The following CDKL4 variants were observed in gnomAD, a reference collection of about 807,000 sequenced individuals.
CDKL4 encodes the protein cyclin dependent kinase like 4, also known as cyclin-dependent kinase-like 4.
A neutral mutation model predicts 42.0 loss-of-function variants in CDKL4; 44 were observed. That is an observed-to-expected ratio of 1.05 (90% CI 0.82 to 1.35). The LOEUF is 1.35. Among genes scored for constraint, CDKL4 ranks in the 40% most tolerant of loss-of-function variants. The pLI, the probability that CDKL4 is intolerant of heterozygous loss-of-function variation, is 0.00. For missense variants in CDKL4, 393 were observed against 369.9 expected, an observed-to-expected ratio of 1.06 and a Z score of -0.51; for synonymous variants, 120 against 121.6, an observed-to-expected ratio of 0.99 and a Z score of 0.09.
At chr2:39,220,628 C>A (rs1268874039) in intron 3 of CDKL4, among the ~76,000 whole-genome samples, 1 of 151,852 alleles carries the variant, frequency 6.6e-6, no homozygotes, top group East Asian at 1.9e-4. Flanking sequence ...CGCTCTGTCG[C>A]CCAGGCTGGA....
At chr2:39,186,389 C>T (rs1016168393) in intron 7 of CDKL4, among the ~76,000 whole-genome samples, 5 of 152,166 alleles carry the variant, frequency 3.3e-5, no homozygotes, top group Non-Finnish European at 5.9e-5. Flanking sequence ...CCCATCCCTG[C>T]GTGGCTCTGA....
chr2:39,176,318 C>G (rs921968077), intron 9 of CDKL4, among the ~76,000 whole-genome samples: 1 of 152,202 alleles, frequency 6.6e-6, no homozygotes, highest in African/African-American at 2.4e-5. Flanking sequence ...GGATATACTA[C>G]TATTTATTTC....
chr2:39,192,117 T>A (rs13005378), intron 5 of CDKL4, among the ~76,000 whole-genome samples: 135,127 of 152,272 alleles, frequency 0.89, 60,243 homozygotes, highest in Non-Finnish European at 0.94. Flanking sequence ...AATTTGGAAA[T>A]TGGAGAATGA....
rs146243390 is a variant in CDKL4, at chr2:39,216,989, G to T, written c.291-3517C>A. ...CAGGGGCAAAACAACACCACTGATC[G>T]TGCAAAGAGAAGATAGCCATCAAAG... On this transcript the variant is annotated intron_variant, in intron 3 of 9. Transcript: ENST00000451199. Among the ~76,000 whole-genome samples, 3 of 152,234 alleles carry T rather than the reference G, an allele frequency of 2.0e-5. No individual in the cohort carries two copies. In the East Asian group the frequency reaches 5.8e-4, roughly 29 times the overall value.
chr2:39,196,474 G>C (rs776240526), intron 5 of CDKL4, among the ~76,000 whole-genome samples: 9 of 152,172 alleles, frequency 5.9e-5, no homozygotes, highest in Non-Finnish European at 1.2e-4. Flanking sequence ...AAAGGGGAGA[G>C]CACCACATCA....
chr2:39,233,526 G>T (rs914729693), intron 1 of CDKL4, among the ~76,000 whole-genome samples: 1 of 152,102 alleles, frequency 6.6e-6, no homozygotes, highest in Middle Eastern at 3.2e-3. Flanking sequence ...CACTAAGACA[G>T]GGAAAAAGTG....
chr2:39,211,485 A>G (rs984736962), intron 4 of CDKL4, among the ~76,000 whole-genome samples: 1 of 152,170 alleles, frequency 6.6e-6, no homozygotes, highest in African/African-American at 2.4e-5. Flanking sequence ...GACCAATGAC[A>G]GCAAAGAATT....
intron 4 of CDKL4, among the ~76,000 whole-genome samples, chr2:39,206,515 G>T (rs542445989): frequency 6.6e-6 from 1 of 152,222 alleles, no homozygotes; most frequent in Non-Finnish European, 1.5e-5. Flanking sequence ...GAGTAAGCCC[G>T]CGCGCACATG....
At chr2:39,225,499 T>C (rs1678647130) in intron 3 of CDKL4, among the ~76,000 whole-genome samples, 1 of 152,160 alleles carries the variant, frequency 6.6e-6, no homozygotes, top group Non-Finnish European at 1.5e-5. Context: ...AATTTTCAAA[T>C]TTATCAATCG....
At chr2:39,239,226 T>C (rs1679525327) in intron 1 of CDKL4, among the ~76,000 whole-genome samples, 1 of 151,018 alleles carries the variant, frequency 6.6e-6, no homozygotes, top group South Asian at 2.1e-4. Context: ...AAGACCAAAA[T>C]GTAAGCATTA....
chr2:39,245,977 G>C (rs1164889102), upstream of CDKL4, among the ~76,000 whole-genome samples: 4 of 152,222 alleles, frequency 2.6e-5, no homozygotes, highest in Non-Finnish European at 5.9e-5. Context: ...ATGCTCTGTG[G>C]AGATAATGTA....
chr2:39,186,178 A>G (rs1348318743), intron 7 of CDKL4, among the ~76,000 whole-genome samples: 3 of 152,214 alleles, frequency 2.0e-5, no homozygotes, highest in Non-Finnish European at 4.4e-5. Flanking sequence ...TTGCAGTTCA[A>G]CCTTTAACCT....
chr2:39,177,324 G>A (rs1675206835), intron 9 of CDKL4, among the ~76,000 whole-genome samples: 1 of 152,020 alleles, frequency 6.6e-6, no homozygotes, highest in Non-Finnish European at 1.5e-5. Context: ...GGTAGACAGT[G>A]ATTAGGGGGA....
In CDKL4 at chr2:39,191,719, G is replaced by A. The variant is rs140222909; in HGVS notation, c.455-1217C>T. ...ATAGACAGATGACAGAGAGCTAGGT[G>A]CACCCTCACTGCCCAGCCCTGCCCT... On this transcript the variant is annotated intron_variant, in intron 5 of 9. Transcript: ENST00000451199. Among the ~76,000 whole-genome samples the A allele has an allele frequency of 2.4e-3, 368 of 152,302 alleles. 1 individual carries two copies. The highest frequency in any genetic ancestry group is 8.5e-3 in the African/African-American group (355 of 41,550).
intron 6 of CDKL4, among the ~76,000 whole-genome samples, chr2:39,187,970 A>C (rs550702436): frequency 1.9e-3 from 283 of 152,230 alleles, no homozygotes; most frequent in African/African-American, 6.6e-3. Context: ...CAGGAGGCTG[A>C]GGCAGGAGAA....
chr2:39,211,175 A>C (rs1018661957), intron 4 of CDKL4, among the ~76,000 whole-genome samples: 5 of 152,142 alleles, frequency 3.3e-5, no homozygotes, highest in African/African-American at 1.2e-4. Flanking sequence ...TGGGCAGCCA[A>C]GGCAGGAGTT....
chr2:39,206,950 G>T (rs1301436501), intron 4 of CDKL4, among the ~76,000 whole-genome samples: 3 of 152,168 alleles, frequency 2.0e-5, no homozygotes, highest in African/African-American at 4.8e-5. Flanking sequence ...ATCATTTTAG[G>T]TTGCAGAAAT....
intron 4 of CDKL4, 38 bp downstream of exon 4, chr2:39,213,362 T>C: frequency 7.9e-7 from 1 of 1,265,660 alleles, no homozygotes; most frequent in Non-Finnish European, 1.1e-6. Flanking sequence ...AGAGTCATCA[T>C]GAAGAAATGA....
At chr2:39,228,171 T>C (rs1401610430) in intron 2 of CDKL4, among the ~76,000 whole-genome samples, 1 of 152,164 alleles carries the variant, frequency 6.6e-6, no homozygotes, top group African/African-American at 2.4e-5. Flanking sequence ...ACGGAGAGGC[T>C]GACAGGTAAA....
Sources: gnomAD v4.1 joint callset for allele counts (sites outside exome capture counted in the v4.1 genomes callset) on GRCh38, gnomAD v4.1.1 for gene constraint, MANE v1.5 for transcripts, NCBI Gene and HGNC (gene_info 2026-07-23, HGNC 2026-07-21) for gene names.